The following HSD17B12 variants were observed in gnomAD, a reference collection of about 807,000 sequenced individuals.
The protein encoded by HSD17B12 is hydroxysteroid 17-beta dehydrogenase 12.
Under a neutral mutation model 39.3 loss-of-function variants are expected in HSD17B12, and 32 were observed. The observed-to-expected ratio is 0.81, with a 90% CI of 0.61 to 1.09. HSD17B12 has a LOEUF of 1.09. Among genes scored for constraint, HSD17B12 ranks in the 50% least tolerant of loss-of-function variants. HSD17B12 has a pLI of 0.00. For synonymous variants in HSD17B12, 150 were observed against 146.7 expected (o/e 1.02, Z -0.16); for missense variants, 342 against 382.9 (o/e 0.89, Z 0.89).
intron 1 of HSD17B12, among the ~76,000 whole-genome samples, chr11:43,747,799 C>G (rs1449114878): frequency 6.6e-6 from 1 of 152,212 alleles, no homozygotes; most frequent in Non-Finnish European, 1.5e-5. Flanking sequence ...CTTCTTAGAT[C>G]TAAGTGACTG....
At chr11:43,594,199 A>G in the HSD17B12 span, among the ~76,000 whole-genome samples, 1 of 152,156 alleles carries the variant, frequency 6.6e-6, no homozygotes, top group African/African-American at 2.4e-5. Context: ...AATCCTTGAA[A>G]TAGTAGTAAT....
intron 1 of HSD17B12, among the ~76,000 whole-genome samples, chr11:43,750,552 G>T (rs1950456372): frequency 6.6e-6 from 1 of 151,884 alleles, no homozygotes; most frequent in African/African-American, 2.4e-5. Flanking sequence ...CATTCTTTGG[G>T]GTAGACATTA....
chr11:43,657,024 G>A, the HSD17B12 span, among the ~76,000 whole-genome samples: 1 of 152,080 alleles, frequency 6.6e-6, no homozygotes, highest in African/African-American at 2.4e-5. Flanking sequence ...CATTATTATT[G>A]TGTGGGAGTC....
upstream of HSD17B12, among the ~76,000 whole-genome samples, chr11:43,675,914 C>CCTTACCT (rs1214382151): frequency 6.6e-6 from 1 of 152,094 alleles, no homozygotes; most frequent in East Asian, 1.9e-4. Context: ...GAGTTTGAGA[C>CCTTACCT]CAGCCTGGCC....
chr11:43,745,250 G>T (rs757975249), intron 1 of HSD17B12, among the ~76,000 whole-genome samples: 9 of 152,190 alleles, frequency 5.9e-5, no homozygotes, highest in Non-Finnish European at 1.2e-4. Context: ...TCAGCCCAAA[G>T]TTGGCAATTT....
At chr11:43,853,337 CAAAAAAAAAAAAAAAAAAAA>C (rs60722479) in intron 9 of HSD17B12, 2 of 93,154 alleles carry the variant, frequency 2.1e-5, no homozygotes, top group African/African-American at 7.9e-5. Context: ...GACTCTGTCT[CAAAAAAAAAAAAAAAAAAAA>C]AAAAAAACCA....
chr11:43,788,958 G>A (rs937870699), intron 3 of HSD17B12, among the ~76,000 whole-genome samples: 1 of 152,170 alleles, frequency 6.6e-6, no homozygotes, highest in African/African-American at 2.4e-5. Context: ...AAATTAAGTA[G>A]CTAGTCCTAT....
chr11:43,669,309 T>C, the HSD17B12 span, among the ~76,000 whole-genome samples: 1 of 152,040 alleles, frequency 6.6e-6, no homozygotes, highest in African/African-American at 2.4e-5. Flanking sequence ...GAGACCAACC[T>C]GACCAATATG....
chr11:43,827,344 C>T (rs972664344), intron 6 of HSD17B12, among the ~76,000 whole-genome samples: 4 of 152,026 alleles, frequency 2.6e-5, no homozygotes, highest in Admixed American at 2.6e-4. Context: ...TGACCAAATG[C>T]CAAAGATTAC....
the HSD17B12 span, among the ~76,000 whole-genome samples, chr11:43,574,355 T>C: frequency 6.6e-6 from 1 of 152,232 alleles, no homozygotes; most frequent in South Asian, 2.1e-4. Context: ...AGGTCGATAA[T>C]TAGGGTTAAG....
intron 9 of HSD17B12, chr11:43,854,488 C>T: frequency 2.2e-6 from 1 of 464,142 alleles, no homozygotes; most frequent in Non-Finnish European, 3.8e-6. Flanking sequence ...TTAATACTTT[C>T]TCTGGTCTCA....
At chr11:43,695,144 A>T (rs1413549378) in intron 1 of HSD17B12, among the ~76,000 whole-genome samples, 1 of 151,968 alleles carries the variant, frequency 6.6e-6, no homozygotes, top group Non-Finnish European at 1.5e-5. Context: ...TCAAAAGATC[A>T]TGCATTTTGG....
At chr11:43,736,225 GC>G (rs1308363503) in intron 1 of HSD17B12, among the ~76,000 whole-genome samples, 1 of 152,196 alleles carries the variant, frequency 6.6e-6, no homozygotes, top group Non-Finnish European at 1.5e-5. Context: ...GAATCGCAGG[GC>G]CTTGCCTGGA....
intron 3 of HSD17B12, among the ~76,000 whole-genome samples, chr11:43,783,412 T>G (rs1178921237): frequency 1.3e-5 from 2 of 150,960 alleles, no homozygotes; most frequent in Non-Finnish European, 3.0e-5. Flanking sequence ...TTTTTTTTTT[T>G]ACTTTTTTTT....
intron 4 of HSD17B12, among the ~76,000 whole-genome samples, chr11:43,802,043 T>C (rs1283649347): frequency 1.3e-5 from 2 of 152,080 alleles, no homozygotes; most frequent in African/African-American, 4.8e-5. Flanking sequence ...TGGAGTGCAG[T>C]GGCGCGATCT....
At chr11:43,561,724 G>A in the HSD17B12 span, among the ~76,000 whole-genome samples, 8 of 151,888 alleles carry the variant, frequency 5.3e-5, no homozygotes, top group Non-Finnish European at 1.2e-4. Flanking sequence ...CTAGGCTACT[G>A]ACAGTACCTA....
chr11:43,851,736 T>C (rs1951533657), intron 9 of HSD17B12, among the ~76,000 whole-genome samples: 2 of 152,214 alleles, frequency 1.3e-5, no homozygotes, highest in Admixed American at 1.3e-4. Flanking sequence ...CCAAGTACTG[T>C]TCTAAAACAT....
chr11:43,749,650 T>A (rs1288847005), intron 1 of HSD17B12, among the ~76,000 whole-genome samples: 3 of 151,662 alleles, frequency 2.0e-5, no homozygotes, highest in Non-Finnish European at 2.9e-5. Flanking sequence ...TTTTTTTTTT[T>A]AATTCTGGAA....
chr11:43,722,195 C>G (rs980472432), intron 1 of HSD17B12, among the ~76,000 whole-genome samples: 3 of 152,150 alleles, frequency 2.0e-5, no homozygotes, highest in African/African-American at 7.2e-5. Flanking sequence ...TTTCTCTTGA[C>G]TATTATTAAC....
Sources: allele counts gnomAD v4.1 joint callset (sites outside exome capture counted in the v4.1 genomes callset), GRCh38; gene constraint gnomAD v4.1.1; transcripts MANE v1.5; gene names NCBI Gene and HGNC (gene_info 2026-07-23, HGNC 2026-07-21).